RUVBL1: variants seen among roughly 807,000 people sequenced by gnomAD.
The protein encoded by RUVBL1 is RuvB like AAA ATPase 1.
RUVBL1 carries 4 observed loss-of-function variants against 52.4 expected under a neutral mutation model. The observed-to-expected ratio is 0.08, with a 90% CI of 0.04 to 0.17. The LOEUF (loss-of-function observed/expected upper bound fraction) is 0.17, where lower values mean the gene tolerates loss of function less well. Among genes scored for constraint, RUVBL1 ranks in the 10% least tolerant of loss-of-function variants. The probability of loss-of-function intolerance (pLI) is 1.00; values close to 1 mark genes in which losing one functional copy is unlikely to be tolerated. For missense variants in RUVBL1, 298 were observed against 572.8 expected, an observed-to-expected ratio of 0.52 and a Z score of 4.90; for synonymous variants, 217 against 214.4, an observed-to-expected ratio of 1.01 and a Z score of -0.10.
intron 1 of RUVBL1, among the ~76,000 whole-genome samples, chr3:128,151,822 G>C (rs946110492): frequency 6.6e-6 from 1 of 152,178 alleles, no homozygotes; most frequent in African/African-American, 2.4e-5. Flanking sequence ...GAACGAAGGA[G>C]GCAGTTACTG....
chr3:128,068,568 A>G (rs1942055291), intron 9 of RUVBL1: 1 of 158,418 alleles, frequency 6.3e-6, no homozygotes, highest in South Asian at 1.8e-4. Flanking sequence ...TGGAGCCTGC[A>G]GTCTCTTAGG....
intron 1 of RUVBL1, among the ~76,000 whole-genome samples, chr3:128,134,605 G>A (rs1943924479): frequency 6.6e-6 from 1 of 151,792 alleles, no homozygotes; most frequent in Non-Finnish European, 1.5e-5. Flanking sequence ...TGGGCAACAT[G>A]GTGAAACCCC....
At chr3:128,127,572 C>A (rs1002178913), upstream of RUVBL1, among the ~76,000 whole-genome samples, 1 of 152,170 alleles carries the variant, frequency 6.6e-6, no homozygotes, top group Non-Finnish European at 1.5e-5. Flanking sequence ...CAGGTCAAGC[C>A]TCCCTCTGCC....
chr3:128,146,970 G>A (rs924175908), intron 1 of RUVBL1, among the ~76,000 whole-genome samples: 1 of 152,260 alleles, frequency 6.6e-6, no homozygotes, highest in African/African-American at 2.4e-5. Flanking sequence ...AGCAGAACAG[G>A]CTATAGGAGA....
At chr3:128,116,874 T>G (rs899709832) in intron 2 of RUVBL1, among the ~76,000 whole-genome samples, 10 of 152,184 alleles carry the variant, frequency 6.6e-5, no homozygotes, top group Non-Finnish European at 1.3e-4. Flanking sequence ...CTGCTGCTCA[T>G]TTTTTAAAAA....
At chr3:128,107,850 A>G (rs1227700804) in intron 3 of RUVBL1, among the ~76,000 whole-genome samples, 3 of 152,238 alleles carry the variant, frequency 2.0e-5, no homozygotes, top group Non-Finnish European at 2.9e-5. Flanking sequence ...TATATCCCAC[A>G]GCGATAAATT....
In RUVBL1 at chr3:128,081,193, C is replaced by A; in HGVS notation, c.*57G>T. The A allele has an allele frequency of 1.3e-6, 2 of 1,573,138 alleles. No individual in the cohort carries two copies. The highest frequency in any genetic ancestry group is 1.7e-6 in the Non-Finnish European group (2 of 1,153,104). ...AAGCCCAGGGGCAAGCGCCCACAGG[C>A]TGGACCCAGGCCAGGCACACCTGGG... On this transcript the variant is annotated 3_prime_UTR_variant, in exon 11 of 11. Coordinates refer to ENST00000322623, the MANE Select transcript of RUVBL1 (RefSeq NM_003707.3). This position sits in a 1 kb window ranked among gnomAD's most constrained non-coding sequence, Gnocchi z 4.8.
chr3:128,075,297 G>A (rs1672022187), intron 9 of RUVBL1: 1 of 152,350 alleles, frequency 6.6e-6, no homozygotes, highest in South Asian at 2.1e-4. Context: ...CATAATGAGT[G>A]TTGGGAAGGT....
At chr3:128,098,778 A>G in intron 7 of RUVBL1, 104 bp downstream of exon 7, 1 of 942,690 alleles carries the variant, frequency 1.1e-6, no homozygotes, top group Non-Finnish European at 1.7e-6. Context: ...AACTGTTCTG[A>G]GGCATTTCCT....
At chr3:128,119,275 G>T in intron 2 of RUVBL1, 53 bp downstream of exon 2, 1 of 1,398,158 alleles carries the variant, frequency 7.2e-7, no homozygotes, top group Non-Finnish European at 1.0e-6. Flanking sequence ...ATTTGGCTTA[G>T]ACACTAGGAT....
chr3:128,153,663 C>T (rs11711710), exon 1 of RUVBL1: 195,252 of 1,596,914 alleles, frequency 0.12, 13,093 homozygotes, highest in African/African-American at 0.22. Context: ...TCGATCTGGG[C>T]TTCTCGTGCT....
At chr3:128,144,844 C>A (rs1260730811) in intron 1 of RUVBL1, among the ~76,000 whole-genome samples, 2 of 152,164 alleles carry the variant, frequency 1.3e-5, no homozygotes, top group African/African-American at 4.8e-5. Context: ...GTCCCTCCTT[C>A]CCCCCATTCT....
intron 3 of RUVBL1, among the ~76,000 whole-genome samples, chr3:128,108,659 G>A (rs941175996): frequency 4.6e-5 from 7 of 151,012 alleles, no homozygotes; most frequent in African/African-American, 1.5e-4. Flanking sequence ...ATCATGCCAC[G>A]TACTCCAGCA....
At chr3:128,094,356 G>A (rs536165469) in intron 8 of RUVBL1, among the ~76,000 whole-genome samples, 42 of 152,322 alleles carry the variant, frequency 2.8e-4, no homozygotes, top group African/African-American at 9.1e-4. Context: ...GCAAGAAGCC[G>A]AGAGGGAGCG....
At chr3:128,101,703 A>G (rs1576458347) in intron 4 of RUVBL1, 55 bp from the exon 5 acceptor site, 4 of 1,557,154 alleles carry the variant, frequency 2.6e-6, no homozygotes, top group Non-Finnish European at 8.8e-7. Flanking sequence ...TCCTTCTGAC[A>G]CCATGTAAGG....
chr3:128,149,437 C>T (rs758540011), intron 1 of RUVBL1, among the ~76,000 whole-genome samples: 1 of 152,190 alleles, frequency 6.6e-6, no homozygotes, highest in African/African-American at 2.4e-5. Flanking sequence ...TGCCCGCCTT[C>T]GCCTCTCAAA....
intron 3 of RUVBL1, among the ~76,000 whole-genome samples, chr3:128,107,701 C>G (rs907770921): frequency 6.6e-6 from 1 of 152,214 alleles, no homozygotes; most frequent in East Asian, 1.9e-4. Flanking sequence ...TTCATTTGTG[C>G]TTTACCAAAT....
chr3:128,129,073 A>T (rs1037474600), intron 1 of RUVBL1, among the ~76,000 whole-genome samples: 5 of 152,190 alleles, frequency 3.3e-5, no homozygotes, highest in African/African-American at 1.2e-4. Flanking sequence ...TCATCTTGCC[A>T]AGTGCCCCCC....
intron 9 of RUVBL1, among the ~76,000 whole-genome samples, chr3:128,066,457 G>A (rs906917234): frequency 1.3e-5 from 2 of 151,996 alleles, no homozygotes; most frequent in African/African-American, 4.8e-5. Flanking sequence ...GGGTCTCGTT[G>A]TGTTGCTTAG....
Sources: allele counts gnomAD v4.1 joint callset (sites outside exome capture counted in the v4.1 genomes callset), GRCh38; gene constraint gnomAD v4.1.1; non-coding constraint Gnocchi (gnomAD v3.1); transcripts MANE v1.5; gene names NCBI Gene and HGNC (gene_info 2026-07-23, HGNC 2026-07-21).